The following GTF3C4 variants were observed in gnomAD, a reference collection of about 807,000 sequenced individuals.
The protein encoded by GTF3C4 is general transcription factor 3C polypeptide 4.
Under a neutral mutation model 67.5 loss-of-function variants are expected in GTF3C4, and 28 were observed. That is an observed-to-expected ratio of 0.41 (90% CI 0.31 to 0.57). The LOEUF is 0.57. Ranked by LOEUF, GTF3C4 falls within the 20% of genes least tolerant of loss-of-function variation. The pLI, the probability that GTF3C4 is intolerant of heterozygous loss-of-function variation, is 0.21. For missense variants in GTF3C4, 831 were observed against 1,033.2 expected, an observed-to-expected ratio of 0.80 and a Z score of 2.68; for synonymous variants, 409 against 393.0, an observed-to-expected ratio of 1.04 and a Z score of -0.48.
Position 132,685,014 on chromosome 9 carries a change from ATT to A in GTF3C4, c.2315+1338_2315+1339del, listed in dbSNP as rs3041416. Among the ~76,000 whole-genome samples, 1,078 of 135,364 alleles carry A rather than the reference ATT, an allele frequency of 8.0e-3. 51 individuals carry two copies. The highest frequency in any genetic ancestry group is 0.067 in the Admixed American group (896 of 13,458). The allele number at this position is 135,364 out of a possible 152,430, so 88.8% of individuals were successfully genotyped here. ...TACATGGTGGGCACTAAATTTTTTA[ATT>A]TTTTTTTTTTTTTTTTGAGACAGGG... On this transcript the variant is annotated intron_variant, in intron 3 of 4. Coordinates refer to ENST00000372146, the MANE Select transcript of GTF3C4 (RefSeq NM_012204.4).
intron 1 of GTF3C4, among the ~76,000 whole-genome samples, chr9:132,672,893 T>C (rs878890306): frequency 2.0e-5 from 3 of 152,272 alleles, no homozygotes; most frequent in Middle Eastern, 3.4e-3. Flanking sequence ...GGTGAAAATA[T>C]AATGAGTTGG....
Position 132,693,451 on chromosome 9 carries a change from T to C in GTF3C4, c.*4506T>C, listed in dbSNP as rs1238595408. ...AATATGATATGCTTTGCCAACATGATCTAAGAAGGTATTCATTCTTTCTGG... is the reference window on the plus strand; with the variant it reads ...AATATGATATGCTTTGCCAACATGACCTAAGAAGGTATTCATTCTTTCTGG... On this transcript the variant is annotated 3_prime_UTR_variant, in exon 5 of 5. Transcript: ENST00000372146. The C allele has an allele frequency of 6.6e-6, 1 of 152,198 alleles. No homozygotes were observed. Among genetic ancestry groups the C allele is most frequent in the Non-Finnish European group, 1.5e-5 (1 of 68,032 alleles). The allele number at this position is 152,198 out of a possible 1,614,324, so 9.4% of individuals were successfully genotyped here.
Position 132,683,504 on chromosome 9 carries a change from T to G in GTF3C4, c.2185-59T>G, listed in dbSNP as rs1262979866. On this transcript the variant is annotated intron_variant, in intron 2 of 4. Coordinates refer to ENST00000372146, the MANE Select transcript of GTF3C4 (RefSeq NM_012204.4). ...TAATTTTCCCTTTGTGTTTGTAGGC[T>G]TTTTCTTCAGGAAATCCTGCACTTA... 3 of 1,486,474 alleles carry G rather than the reference T, an allele frequency of 2.0e-6. No homozygotes were observed. In the South Asian group the frequency reaches 3.8e-5, roughly 19 times the overall value. 92.1% of individuals were successfully genotyped at this position (1,486,474 alleles called of 1,614,324 possible).
intron 3 of GTF3C4, among the ~76,000 whole-genome samples, chr9:132,684,629 C>T (rs1390729857): frequency 1.3e-5 from 2 of 152,214 alleles, no homozygotes; most frequent in African/African-American, 2.4e-5. Flanking sequence ...ATCTTGTTCG[C>T]TTCACTCCAG....
chr9:132,688,809 A>C (rs1434272214), intron 4 of GTF3C4, 72 bp from the exon 5 acceptor site: 2 of 1,090,578 alleles, frequency 1.8e-6, no homozygotes, highest in African/African-American at 3.1e-5. Flanking sequence ...TCAACGCTAC[A>C]GTCCGGTATT....
At position 132,670,507 on chromosome 9, in the gene GTF3C4, C is replaced by A. The variant is rs561975228; in HGVS notation, c.-92C>A. On this transcript the variant is annotated 5_prime_UTR_variant, in exon 1 of 5. Transcript: ENST00000372146. Reference sequence around the variant, plus strand: ...GGGGCCTGAGGGGAGAAAACCGCCGCGGAGGGCGCTGGGGGTGGCGGCGGC... The same window carrying A: ...GGGGCCTGAGGGGAGAAAACCGCCGAGGAGGGCGCTGGGGGTGGCGGCGGC... The A allele has an allele frequency of 1.8e-6, 2 of 1,117,268 alleles. No homozygotes were observed. The highest frequency in any genetic ancestry group is 3.8e-5 in the Admixed American group (1 of 26,162). 69.2% of individuals were successfully genotyped at this position (1,117,268 alleles called of 1,614,324 possible).
Position 132,679,321 on chromosome 9 carries a change from A to C in GTF3C4, c.1702A>C (p.Ser568Arg). ...AGCTTTGGAAAAAAAGATTGAAAGC[A>C]GTGGAGTCACCTATTTTTGGCGTTT... ...QEALEKKIES[S>R]GVTYFWRFKL... The change falls in exon 2 of 5, where the codon AGT (serine) becomes CGT (arginine). Residue 568 changes from serine to arginine, a missense_variant. Around this residue, in one of 4 missense-constraint regions of GTF3C4, gnomAD observed 390 missense variants for 540.3 expected, o/e 0.72. Transcript: ENST00000372146. This position sits in a 1 kb window ranked among gnomAD's most constrained non-coding sequence, Gnocchi z 5.9. 1 of 1,614,228 alleles carries C rather than the reference A, an allele frequency of 6.2e-7. No individual in the cohort carries two copies. The highest frequency in any genetic ancestry group is 1.1e-5 in the South Asian group (1 of 91,086).
At chr9:132,671,370 G>T (rs1323366964) in intron 1 of GTF3C4, among the ~76,000 whole-genome samples, 1 of 152,164 alleles carries the variant, frequency 6.6e-6, no homozygotes, top group East Asian at 1.9e-4. Context: ...GAGGTTCTTG[G>T]CTGGCTTTGT....
At chr9:132,675,894 C>T (rs541160564) in intron 1 of GTF3C4, among the ~76,000 whole-genome samples, 1 of 73,688 alleles carries the variant, frequency 1.4e-5, no homozygotes, top group African/African-American at 6.5e-5. Context: ...TTCCAGTTAC[C>T]CTTTTTTTTT....
intron 1 of GTF3C4, 111 bp from the exon 2 acceptor site, chr9:132,677,866 A>T: frequency 2.3e-6 from 2 of 855,162 alleles, no homozygotes; most frequent in Non-Finnish European, 3.7e-6. Flanking sequence ...ATTAATTCTA[A>T]GAAGAATATG....
In GTF3C4 at chr9:132,678,867, C is replaced by T. The variant is rs1198660272; in HGVS notation, c.1248C>T (p.Ser416=). Residue 416 remains serine (S), a synonymous_variant, in exon 2 of 5, where the codon TCC becomes TCT. Transcript: ENST00000372146. The surrounding 1 kb of genome is among the most constrained non-coding windows in gnomAD (Gnocchi z 6.5). ...ISKAGLNVHN[S]HVTGLHSLPI... is the part of the protein sequence containing the mutation. ...AAGCAGGGCTGAATGTTCACAATTC[C>T]CATGTCACAGGCCTTCACTCACTGC... 2.5e-6 allele frequency: 4 copies of T among 1,614,162 alleles called. No individual in the cohort carries two copies. The highest frequency in any genetic ancestry group is 3.3e-4 in the Middle Eastern group (2 of 6,062).
At chr9:132,670,059 C>A, upstream of GTF3C4, 1 of 1,563,578 alleles carries the variant, frequency 6.4e-7, no homozygotes. Context: ...ACGGCTCCAG[C>A]TGTACGGACT....
In GTF3C4 at chr9:132,670,955, A is replaced by G. The variant is rs768707251; in HGVS notation, c.357A>G (p.Lys119=). The change falls in exon 1 of 5, where the codon AAA becomes AAG. Residue 119 remains lysine, a splice_region_variant and synonymous_variant. Coordinates refer to ENST00000372146, the MANE Select transcript of GTF3C4 (RefSeq NM_012204.4). The part of the protein sequence containing the change: ...VPAPLNSCLL[K]VGSKTEVAEC... Reference sequence around the variant, plus strand: ...CACCGCTCAACAGCTGTCTCCTCAAAGTAAGTCATCCCCCGCCATCCCTGG... The same window carrying G: ...CACCGCTCAACAGCTGTCTCCTCAAGGTAAGTCATCCCCCGCCATCCCTGG... 8 of 1,600,308 alleles carry G rather than the reference A, an allele frequency of 5.0e-6. No homozygotes were observed. In the African/African-American group the frequency reaches 9.4e-5, roughly 19 times the overall value.
chr9:132,675,206 G>T (rs543454070), intron 1 of GTF3C4, among the ~76,000 whole-genome samples: 1 of 152,138 alleles, frequency 6.6e-6, no homozygotes, highest in South Asian at 2.1e-4. Flanking sequence ...AGCAATTTGC[G>T]CACACAGAGC....
chr9:132,686,879 G>A (rs1340781003), intron 3 of GTF3C4, among the ~76,000 whole-genome samples: 1 of 152,092 alleles, frequency 6.6e-6, no homozygotes, highest in Non-Finnish European at 1.5e-5. Context: ...CAAAACAACA[G>A]CAACAACAAA....
intron 1 of GTF3C4, among the ~76,000 whole-genome samples, chr9:132,674,695 T>G (rs766486388): frequency 5.3e-5 from 8 of 152,228 alleles, no homozygotes; most frequent in Admixed American, 1.3e-4. Context: ...ATGTCTACCT[T>G]GCATTTTTGC....
chr9:132,685,828 G>A (rs2130901775), intron 3 of GTF3C4, among the ~76,000 whole-genome samples: 1 of 152,342 alleles, frequency 6.6e-6, no homozygotes, highest in Admixed American at 6.5e-5. Flanking sequence ...TGGTGGTTGT[G>A]AAAATAAGTT....
At position 132,679,555 on chromosome 9, in the gene GTF3C4, G is replaced by A. The variant is rs368103877; in HGVS notation, c.1936G>A (p.Glu646Lys). 1.2e-6 allele frequency: 2 copies of A among 1,614,158 alleles called. No individual in the cohort carries two copies. The highest frequency in any genetic ancestry group is 1.7e-6 in the Non-Finnish European group (2 of 1,180,036). Residue 646 changes from glutamate (E) to lysine (K), a missense_variant, in exon 2 of 5, where the codon GAG (glutamate) becomes AAG (lysine). By Grantham distance (56) the Glu-to-Lys change is moderately conservative. Coordinates refer to ENST00000372146, the MANE Select transcript of GTF3C4 (RefSeq NM_012204.4). This position sits in a 1 kb window ranked among gnomAD's most constrained non-coding sequence, Gnocchi z 5.9. ...GGAGAGGAGCAAGGAAGGAGATGTA[G>A]AGGAGCCCACTGATGACTCGCTCCC... ...LQERSKEGDV[E>K]EPTDDSLPTT... is the part of the protein sequence containing the mutation.
Position 132,670,566 on chromosome 9 carries a change from G to A in GTF3C4, c.-33G>A, listed in dbSNP as rs771362964. On this transcript the variant is annotated 5_prime_UTR_variant, in exon 1 of 5. Transcript: ENST00000372146. ...AGGTGGTCGCGCGACTGCGTGGAGCGCCAGGGCGTCCGACCTCTGCACCTG... is the reference window on the plus strand; with the variant it reads ...AGGTGGTCGCGCGACTGCGTGGAGCACCAGGGCGTCCGACCTCTGCACCTG... The A allele has an allele frequency of 2.2e-6, 3 of 1,373,362 alleles. No homozygotes were observed. Among genetic ancestry groups the A allele is most frequent in the Non-Finnish European group, 2.9e-6 (3 of 1,052,216 alleles). 85.1% of individuals were successfully genotyped at this position (1,373,362 alleles called of 1,614,324 possible).
Sources: allele counts gnomAD v4.1 joint callset (sites outside exome capture counted in the v4.1 genomes callset), GRCh38; gene constraint gnomAD v4.1.1; regional missense constraint gnomAD v4.1.1; non-coding constraint Gnocchi (gnomAD v3.1); transcripts MANE v1.5; gene names NCBI Gene and HGNC (gene_info 2026-07-23, HGNC 2026-07-21).